AHCYL2: variants seen among roughly 807,000 people sequenced by gnomAD.
AHCYL2 encodes adenosylhomocysteinase like 2, also known as S-adenosylhomocysteine hydrolase-like protein 2.
A neutral mutation model predicts 81.4 loss-of-function variants in AHCYL2; 28 were observed. The ratio of observed to expected loss-of-function variants is 0.34; its 90% CI spans 0.25 to 0.47. The LOEUF (loss-of-function observed/expected upper bound fraction) is 0.47. Ranked by LOEUF, AHCYL2 falls within the 20% of genes least tolerant of loss-of-function variation. The pLI, the probability that AHCYL2 is intolerant of heterozygous loss-of-function variation, is 1.00. For synonymous variants in AHCYL2, 272 were observed against 290.2 expected (o/e 0.94, Z 0.64); for missense variants, 551 against 785.1 (o/e 0.70, Z 3.56).
intron 1 of AHCYL2, among the ~76,000 whole-genome samples, chr7:129,251,237 C>T (rs982610566): frequency 6.6e-6 from 1 of 151,380 alleles, no homozygotes; most frequent in African/African-American, 2.4e-5. Flanking sequence ...AGTGCCTTAT[C>T]CCTTAAATTG....
At chr7:129,345,194 CAT>C (rs1437678916) in intron 1 of AHCYL2, among the ~76,000 whole-genome samples, 3 of 152,114 alleles carry the variant, frequency 2.0e-5, no homozygotes, top group Non-Finnish European at 4.4e-5. Context: ...GGAAGCTGTG[CAT>C]ATGAGGTTTG....
At chr7:129,362,177 GAAAC>G (rs1793952280) in intron 1 of AHCYL2, among the ~76,000 whole-genome samples, 1 of 152,078 alleles carries the variant, frequency 6.6e-6, no homozygotes, top group African/African-American at 2.4e-5. Context: ...TACAGACAAA[GAAAC>G]AAAGGTTCAA....
At chr7:129,272,213 C>T (rs928164298) in intron 1 of AHCYL2, among the ~76,000 whole-genome samples, 1 of 152,168 alleles carries the variant, frequency 6.6e-6, no homozygotes, top group Admixed American at 6.5e-5. Context: ...TTTTCAGCTA[C>T]GTGAGTTCCA....
chr7:129,257,338 T>C (rs1246391858), intron 1 of AHCYL2, among the ~76,000 whole-genome samples: 1 of 152,076 alleles, frequency 6.6e-6, no homozygotes, highest in Non-Finnish European at 1.5e-5. Flanking sequence ...TAAGGGATCC[T>C]TGGAGTGGAA....
chr7:129,375,988 A>T lies in AHCYL2; in HGVS notation c.364-3650A>T, dbSNP rs1794668602. On this transcript the variant is annotated intron_variant, in intron 1 of 16. Coordinates refer to ENST00000325006, the MANE Select transcript of AHCYL2 (RefSeq NM_015328.4). ...CTATAGCCATTATTGTAAAAGGCCG[A>T]CTGCTTATACTCTTTTTCCCCTCCT... The T allele has an allele frequency of 2.0e-6, 3 of 1,526,526 alleles. No homozygotes were observed. In the African/African-American group the frequency reaches 4.1e-5, roughly 21 times the overall value. 94.6% of individuals were successfully genotyped at this position (1,526,526 alleles called of 1,614,324 possible).
chr7:129,296,521 C>T (rs966242742), intron 1 of AHCYL2, among the ~76,000 whole-genome samples: 1 of 152,000 alleles, frequency 6.6e-6, no homozygotes, highest in Non-Finnish European at 1.5e-5. Context: ...CCAGCCTGGG[C>T]AACATACTGA....
chr7:129,233,303 G>T (rs1418628077), intron 1 of AHCYL2, among the ~76,000 whole-genome samples: 2 of 151,998 alleles, frequency 1.3e-5, no homozygotes, highest in African/African-American at 4.8e-5. Context: ...TCCTGTCTCA[G>T]CCTCCTGAGT....
At chr7:129,336,124 AG>A (rs1461336398) in intron 1 of AHCYL2, among the ~76,000 whole-genome samples, 61 of 131,508 alleles carry the variant, frequency 4.6e-4, no homozygotes, top group Non-Finnish European at 7.8e-4. Flanking sequence ...GCTGGAGTGC[AG>A]TGGCATGATC....
At chr7:129,379,043 G>A (rs1215842399) in intron 1 of AHCYL2, among the ~76,000 whole-genome samples, 2 of 152,134 alleles carry the variant, frequency 1.3e-5, no homozygotes, top group Non-Finnish European at 2.9e-5. Flanking sequence ...CACTTTGGGA[G>A]GCCAAGGTGG....
chr7:129,358,972 A>G (rs1190752996), intron 1 of AHCYL2, among the ~76,000 whole-genome samples: 1 of 152,222 alleles, frequency 6.6e-6, no homozygotes, highest in Non-Finnish European at 1.5e-5. Flanking sequence ...GAACATATGC[A>G]TACTCCATAA....
At chr7:129,314,794 G>A (rs1240973875) in intron 1 of AHCYL2, among the ~76,000 whole-genome samples, 3 of 152,206 alleles carry the variant, frequency 2.0e-5, no homozygotes, top group African/African-American at 7.2e-5. Context: ...GAGAACGTAA[G>A]CTGTCTGTGA....
intron 1 of AHCYL2, among the ~76,000 whole-genome samples, chr7:129,234,683 A>G (rs570642897): frequency 2.6e-5 from 4 of 152,068 alleles, no homozygotes; most frequent in African/African-American, 9.6e-5. Context: ...TTTTGTAGAG[A>G]TGGTGTCTCA....
chr7:129,418,480 T>C (rs1222756115), intron 12 of AHCYL2, among the ~76,000 whole-genome samples: 1 of 152,050 alleles, frequency 6.6e-6, no homozygotes, highest in Non-Finnish European at 1.5e-5. Flanking sequence ...TTTGTGTTTT[T>C]AGTAGAGTCG....
intron 1 of AHCYL2, among the ~76,000 whole-genome samples, chr7:129,341,465 T>A (rs1319379562): frequency 2.0e-5 from 3 of 152,204 alleles, no homozygotes; most frequent in Non-Finnish European, 4.4e-5. Flanking sequence ...AACTTCTGTG[T>A]CTGCTTTTTC....
intron 1 of AHCYL2, among the ~76,000 whole-genome samples, chr7:129,378,077 G>A (rs1794774369): frequency 6.6e-6 from 1 of 152,168 alleles, no homozygotes; most frequent in Non-Finnish European, 1.5e-5. Flanking sequence ...ACTTTGGGAG[G>A]CCAAGGCAGG....
chr7:129,390,833 T>A (rs898471539), intron 4 of AHCYL2, among the ~76,000 whole-genome samples: 1 of 152,228 alleles, frequency 6.6e-6, no homozygotes, highest in African/African-American at 2.4e-5. Flanking sequence ...GGAATTACCA[T>A]GATTTGCTTA....
intron 2 of AHCYL2, among the ~76,000 whole-genome samples, 186 bp downstream of exon 2, chr7:129,379,935 G>A (rs1248350293): frequency 6.6e-6 from 1 of 152,198 alleles, no homozygotes; most frequent in African/African-American, 2.4e-5. Flanking sequence ...TCAGAGTGGA[G>A]CTTAATAGAG....
chr7:129,388,168 A>T (rs1218644844), intron 2 of AHCYL2: 1 of 152,132 alleles, frequency 6.6e-6, no homozygotes, highest in Non-Finnish European at 1.5e-5. Context: ...CCCCCAAAAA[A>T]CTTGGGGGTT....
intron 1 of AHCYL2, among the ~76,000 whole-genome samples, chr7:129,278,783 G>A (rs1418456287): frequency 3.5e-5 from 1 of 28,218 alleles, no homozygotes; most frequent in African/African-American, 1.4e-4. Context: ...TTTTTTTTTT[G>A]CATATGAATA....
Sources: allele counts gnomAD v4.1 joint callset (sites outside exome capture counted in the v4.1 genomes callset), GRCh38; gene constraint gnomAD v4.1.1; transcripts MANE v1.5; gene names NCBI Gene and HGNC (gene_info 2026-07-23, HGNC 2026-07-21).